Variants in CPSF4L observed in about 807,000 individuals in gnomAD.
CPSF4L encodes putative cleavage and polyadenylation specificity factor subunit 4-like protein.
CPSF4L carries 18 observed loss-of-function variants against 24.0 expected under a neutral mutation model. That is an observed-to-expected ratio of 0.75 (90% CI 0.52 to 1.11). The LOEUF is 1.11. CPSF4L is among the 50% of genes least tolerant of loss of function. The probability of loss-of-function intolerance (pLI) is 0.00; values close to 1 mark genes in which losing one functional copy is unlikely to be tolerated. For missense variants in CPSF4L, 211 were observed against 221.8 expected, an observed-to-expected ratio of 0.95 and a Z score of 0.31; for synonymous variants, 72 against 77.2, an observed-to-expected ratio of 0.93 and a Z score of 0.35.
At chr17:73,258,677 C>G (rs1412510811) in intron 2 of CPSF4L, among the ~76,000 whole-genome samples, 1 of 152,118 alleles carries the variant, frequency 6.6e-6, no homozygotes. Flanking sequence ...CCTGGAGTGC[C>G]ATGCCCTTCT....
rs1405288957 is a variant in CPSF4L at position 73,260,988 on chromosome 17, AAGG to A, written c.104-8_104-6del. The stretch of plus-strand genomic sequence containing the variant: ...TGCACACAGCTGAGGCCGACTCTGG[AAGG>A]AGAAGAGGGAACGGAGAAGGTAGCT... On this transcript the variant is annotated splice_region_variant and splice_polypyrimidine_tract_variant and intron_variant, in intron 1 of 5. Coordinates refer to ENST00000344935, the MANE Select transcript of CPSF4L (RefSeq NM_001129885.1). The A allele has an allele frequency of 1.3e-6, 2 of 1,549,730 alleles. No individual in the cohort carries two copies. Among genetic ancestry groups the A allele is most frequent in the Admixed American group, 2.0e-5 (1 of 50,924 alleles).
downstream of CPSF4L, chr17:73,245,159 T>A (rs768889320): frequency 1.2e-6 from 2 of 1,613,750 alleles, no homozygotes; most frequent in South Asian, 1.1e-5. Flanking sequence ...TGTCTCTGTT[T>A]ATCCAAAGAG....
intron 3 of CPSF4L, among the ~76,000 whole-genome samples, chr17:73,256,670 A>G (rs936187451): frequency 6.6e-6 from 1 of 152,200 alleles, no homozygotes; most frequent in Non-Finnish European, 1.5e-5. Flanking sequence ...CACATTTACA[A>G]ATTCCTTTCT....
At chr17:73,253,892 C>A (rs1220872155) in intron 4 of CPSF4L, 39 bp downstream of exon 4, 2 of 1,429,468 alleles carry the variant, frequency 1.4e-6, no homozygotes, top group Non-Finnish European at 1.9e-6. Flanking sequence ...CACCCTGATC[C>A]CCACAGCCCC....
intron 5 of CPSF4L, among the ~76,000 whole-genome samples, chr17:73,249,356 G>A (rs987148492): frequency 2.0e-5 from 3 of 152,156 alleles, no homozygotes; most frequent in African/African-American, 7.2e-5. Flanking sequence ...CAGTCCTGTG[G>A]CGTAGGTGCT....
upstream of CPSF4L, among the ~76,000 whole-genome samples, chr17:73,262,599 T>C (rs1476593691): frequency 1.3e-5 from 2 of 152,122 alleles, no homozygotes; most frequent in Non-Finnish European, 2.9e-5. Context: ...TCTATGCAAA[T>C]GTTGTTTTAT....
chr17:73,246,284 A>G (rs1435795388), downstream of CPSF4L, among the ~76,000 whole-genome samples: 1 of 152,174 alleles, frequency 6.6e-6, no homozygotes, highest in Non-Finnish European at 1.5e-5. Flanking sequence ...CTGTAATCCC[A>G]GCACTTTGGT....
At chr17:73,249,707 G>A (rs1407690711) in intron 5 of CPSF4L, 1 of 152,196 alleles carries the variant, frequency 6.6e-6, no homozygotes, top group African/African-American at 2.4e-5. Flanking sequence ...ATTAAAAGAT[G>A]GTAATACCGT....
At chr17:73,258,359 G>T (rs1221524397) in intron 2 of CPSF4L, among the ~76,000 whole-genome samples, 1 of 151,958 alleles carries the variant, frequency 6.6e-6, no homozygotes, top group Non-Finnish European at 1.5e-5. Context: ...ATGCTAGAGA[G>T]CAATGGCACG....
At chr17:73,242,125 A>C in the CPSF4L span, 1 of 568,972 alleles carries the variant, frequency 1.8e-6, no homozygotes, top group Non-Finnish European at 3.1e-6. Flanking sequence ...GAAATCTTTA[A>C]TGCACCTGTT....
chr17:73,262,034 C>G (rs1438200940), upstream of CPSF4L: 1 of 575,210 alleles, frequency 1.7e-6, no homozygotes, highest in African/African-American at 1.9e-5. Flanking sequence ...GGGCAGACAC[C>G]CCAGGGCCCC....
At chr17:73,247,461 T>C (rs2061968255), downstream of CPSF4L, 2 of 962,464 alleles carry the variant, frequency 2.1e-6, no homozygotes. Flanking sequence ...GGATAGCTTT[T>C]CAGCCCTCAA....
chr17:73,250,612 T>G (rs1382512193), intron 5 of CPSF4L, among the ~76,000 whole-genome samples: 2 of 152,104 alleles, frequency 1.3e-5, no homozygotes, highest in Non-Finnish European at 2.9e-5. Flanking sequence ...AATGAAGATA[T>G]GATCAAACAT....
At chr17:73,253,701 C>T (rs2062013792) in intron 4 of CPSF4L, among the ~76,000 whole-genome samples, 1 of 152,250 alleles carries the variant, frequency 6.6e-6, no homozygotes, top group African/African-American at 2.4e-5. Context: ...GCAGCTGATA[C>T]ATGCTGAAGG....
chr17:73,245,425 A>G (rs1397109336), downstream of CPSF4L: 2 of 1,191,790 alleles, frequency 1.7e-6, no homozygotes, highest in African/African-American at 1.6e-5. Context: ...CTCAGGAGCA[A>G]CTGAGAATTA....
Position 73,252,723 on chromosome 17 carries a change from C to T in CPSF4L, c.404G>A (p.Gly135Asp), listed in dbSNP as rs1419105213. ...PWYDQGFCKDGPLCKYRHVPR... is the reference protein window; with the variant it reads ...PWYDQGFCKDDPLCKYRHVPR... ...GACATGGCGGTATTTACACAGAGGA[C>T]CTGCTGAGCAAAGAGAAAGTGATGA... Residue 135 changes from glycine (G) to aspartate (D), a missense_variant and splice_region_variant, in exon 5 of 6, where the codon GGT becomes GAT. Transcript: ENST00000344935. The T allele has an allele frequency of 1.9e-6, 3 of 1,544,850 alleles. No individual in the cohort carries two copies. The highest frequency in any genetic ancestry group is 2.4e-5 in the South Asian group (2 of 83,262).
intron 4 of CPSF4L, among the ~76,000 whole-genome samples, chr17:73,253,273 T>C (rs941858686): frequency 4.6e-5 from 7 of 152,058 alleles, no homozygotes; most frequent in African/African-American, 1.7e-4. Context: ...GGCAGGAGAA[T>C]TGCTTGAACC....
At position 73,254,842 on chromosome 17, in the gene CPSF4L, C is replaced by G. The variant is rs920177152; in HGVS notation, c.308-816G>C. Among the ~76,000 whole-genome samples, 8 of 152,228 alleles carry G rather than the reference C, an allele frequency of 5.3e-5. No homozygotes were observed. The East Asian group carries it at 1.4e-3, about 26-fold the overall frequency. ...GTATTTTAGTAGAGATGGGGTTTCA[C>G]CATGTTGGCCAGGCTGGTCTTGAAC... On this transcript the variant is annotated intron_variant, in intron 3 of 5. Coordinates refer to ENST00000344935, the MANE Select transcript of CPSF4L (RefSeq NM_001129885.1).
Position 73,253,964 on chromosome 17 carries a change from A to G in CPSF4L, c.370T>C (p.Cys124Arg). The change falls in exon 4 of 6, where the codon TGT (cysteine) becomes CGT (arginine). Residue 124 changes from cysteine to arginine, a missense_variant. Transcript: ENST00000344935. ...CAGAAACCTTGGTCATACCAAGGAC[A>G]GTCCTGGGACTTGAAAGCTGGCTTC... Reference protein sequence around the residue: ...HVKPAFKSQDCPWYDQGFCKD... With the variant: ...HVKPAFKSQDRPWYDQGFCKD... The G allele has an allele frequency of 6.4e-7, 1 of 1,551,714 alleles. No individual in the cohort carries two copies. Among genetic ancestry groups the G allele is most frequent in the Non-Finnish European group, 8.7e-7 (1 of 1,146,962 alleles).
Sources: allele counts gnomAD v4.1 joint callset (sites outside exome capture counted in the v4.1 genomes callset), GRCh38; gene constraint gnomAD v4.1.1; transcripts MANE v1.5; gene names NCBI Gene and HGNC (gene_info 2026-07-23, HGNC 2026-07-21).